WBP11: variants seen among roughly 807,000 people sequenced by gnomAD.
WBP11 encodes WW domain-binding protein 11.
A neutral mutation model predicts 66.7 loss-of-function variants in WBP11; 12 were observed. That is an observed-to-expected ratio of 0.18 (90% CI 0.12 to 0.29). The LOEUF (loss-of-function observed/expected upper bound fraction) is 0.29, where lower values mean the gene tolerates loss of function less well. Among genes scored for constraint, WBP11 ranks in the 10% least tolerant of loss-of-function variants. The pLI is 1.00. For synonymous variants in WBP11, 255 were observed against 273.8 expected (o/e 0.93, Z 0.68); for missense variants, 555 against 818.3 (o/e 0.68, Z 3.93).
intron 4 of WBP11, 32 bp from the exon 5 acceptor site, chr12:14,797,035 A>G (rs1592221223): frequency 3.3e-6 from 5 of 1,528,726 alleles, no homozygotes; most frequent in Non-Finnish European, 3.5e-6. Context: ...GGAATTAAAT[A>G]TAAGAGGCCA....
chr12:14,794,100 C>T (rs1212123520), intron 7 of WBP11, among the ~76,000 whole-genome samples, 178 bp from the exon 8 acceptor site: 1 of 151,324 alleles, frequency 6.6e-6, no homozygotes, highest in Non-Finnish European at 1.5e-5. Context: ...CAAAATTTTC[C>T]TCTGCCAATA....
intron 9 of WBP11, 64 bp from the exon 10 acceptor site, chr12:14,790,813 A>G (rs1298584102): frequency 6.9e-7 from 1 of 1,446,894 alleles, no homozygotes. Flanking sequence ...GGAGAACAGC[A>G]ATGACTGAAT....
At chr12:14,789,995 T>A (rs138942131) in intron 10 of WBP11, among the ~76,000 whole-genome samples, 346 of 152,322 alleles carry the variant, frequency 2.3e-3, no homozygotes, top group African/African-American at 7.9e-3. Flanking sequence ...GAACACTTAA[T>A]AAACAGACTA....
chr12:14,801,055 A>G (rs955320058), intron 2 of WBP11: 4 of 467,380 alleles, frequency 8.6e-6, no homozygotes, highest in African/African-American at 7.9e-5. Flanking sequence ...GGGCTCGCAA[A>G]ACTAATTTGC....
At chr12:14,802,910 G>A (rs1417754858) in intron 1 of WBP11, among the ~76,000 whole-genome samples, 1 of 152,168 alleles carries the variant, frequency 6.6e-6, no homozygotes, top group African/African-American at 2.4e-5. Context: ...GAAGACACTG[G>A]AGCTTAAGTC....
At chr12:14,802,707 G>GA (rs1487218140) in intron 1 of WBP11, among the ~76,000 whole-genome samples, 1 of 151,676 alleles carries the variant, frequency 6.6e-6, no homozygotes, top group African/African-American at 2.4e-5. Context: ...GGGGTTAGGG[G>GA]GGTGGGAGAG....
chr12:14,793,710 G>C (rs749739437), intron 8 of WBP11, 21 bp downstream of exon 8: 1 of 1,609,632 alleles, frequency 6.2e-7, no homozygotes, highest in South Asian at 1.1e-5. Context: ...TCAATACCAT[G>C]AATCCTTCAT....
In WBP11 at chr12:14,787,392, A is replaced by C. The variant is rs1195147800; in HGVS notation, c.1599T>G (p.Val533=). The C allele has an allele frequency of 6.3e-7, 1 of 1,591,604 alleles. No individual in the cohort carries two copies. Among genetic ancestry groups the C allele is most frequent in the South Asian group, 1.1e-5 (1 of 87,374 alleles). ...FPPAPLPNPG[V]LSAPPNLIQR... ...GAATCAAGTTGGGTGGGGCACTTAA[A>C]ACCCCAGGGTTTGGCAAGGGAGCTG... Residue 533 remains valine (V), a synonymous_variant, in exon 12 of 12, where the codon GTT becomes GTG. Transcript: ENST00000261167.
intron 10 of WBP11, among the ~76,000 whole-genome samples, 183 bp from the exon 11 acceptor site, chr12:14,789,316 G>A (rs1289030658): frequency 2.0e-5 from 3 of 152,184 alleles, no homozygotes; most frequent in Non-Finnish European, 4.4e-5. Flanking sequence ...CGGGCATGGT[G>A]GCTCATGCCT....
intron 1 of WBP11, 85 bp from the exon 2 acceptor site, chr12:14,801,513 A>G: frequency 1.2e-6 from 1 of 816,604 alleles, no homozygotes; most frequent in Non-Finnish European, 1.9e-6. Context: ...TCTGAAAAAA[A>G]ATTCCTTTAA....
Position 14,794,726 on chromosome 12 carries a change from G to A in WBP11, c.532C>T (p.Arg178Trp), listed in dbSNP as rs1439928131. The change falls in exon 7 of 12, where the codon CGG becomes TGG. Residue 178 changes from arginine to tryptophan, a missense_variant. Around this residue, in one of 6 missense-constraint regions of WBP11, gnomAD observed 220 missense variants for 268.2 expected, o/e 0.82. Transcript: ENST00000261167. Reference sequence around the variant, plus strand: ...AGAAGAGGAAGGATAGAAACTGCCCGAGTTGGAGGTCTGTTAAAAAAAAAA... The same window carrying A: ...AGAAGAGGAAGGATAGAAACTGCCCAAGTTGGAGGTCTGTTAAAAAAAAAA... ...KKTSAYGPPTRAVSILPLLGH... is the reference protein window; with the variant it reads ...KKTSAYGPPTWAVSILPLLGH... 7.7e-6 allele frequency: 12 copies of A among 1,549,328 alleles called. No homozygotes were observed. The highest frequency in any genetic ancestry group is 1.4e-5 in the African/African-American group (1 of 69,598).
At chr12:14,797,513 G>A (rs61920256) in intron 4 of WBP11, among the ~76,000 whole-genome samples, 8,155 of 152,216 alleles carry the variant, frequency 0.054, 299 homozygotes, top group Non-Finnish European at 0.08. Context: ...CCGTATTCCT[G>A]GCCTAGCTAC....
chr12:14,793,724 C>T lies in WBP11; in HGVS notation c.913+7G>A, dbSNP rs1949851653. 6.2e-7 allele frequency: 1 copy of T among 1,613,168 alleles called. No individual in the cohort carries two copies. The highest frequency in any genetic ancestry group is 1.7e-5 in the Admixed American group (1 of 59,994). On this transcript the variant is annotated splice_region_variant and intron_variant, in intron 8 of 11. Transcript: ENST00000261167. ...ATCAATACCATGAATCCTTCATCTG[C>T]ACATACCTGACTTCTTTTCTTCATT...
chr12:14,787,163 T>G lies in WBP11; in HGVS notation c.1828A>C (p.Lys610Gln). ...SEDDSAVPLA[K>Q]AAPKSGPSVP... ...GAAGGACCAGATTTGGGTGCTGCTT[T>G]GGCAAGAGGCACAGCAGAATCATCC... Residue 610 changes from lysine to glutamine, a missense_variant, in exon 12 of 12, where the codon AAA becomes CAA. Transcript: ENST00000261167. The G allele has an allele frequency of 6.2e-7, 1 of 1,613,820 alleles. No homozygotes were observed. Among genetic ancestry groups the G allele is most frequent in the Non-Finnish European group, 8.5e-7 (1 of 1,180,030 alleles).
At chr12:14,794,070 T>C (rs1949858602) in intron 7 of WBP11, 148 bp from the exon 8 acceptor site, 2 of 628,006 alleles carry the variant, frequency 3.2e-6, no homozygotes, top group African/African-American at 3.8e-5. Flanking sequence ...CTTGTATATA[T>C]AGCTACTCAT....
intron 11 of WBP11, among the ~76,000 whole-genome samples, chr12:14,787,755 A>T (rs1949770549): frequency 1.3e-5 from 2 of 152,202 alleles, no homozygotes. Flanking sequence ...TTTAAAATAT[A>T]AAGGGACATC....
chr12:14,790,592 C>T lies in WBP11; in HGVS notation c.1173G>A (p.Gln391=). 6.2e-7 allele frequency: 1 copy of T among 1,614,008 alleles called. No individual in the cohort carries two copies. Among genetic ancestry groups the T allele is most frequent in the Non-Finnish European group, 8.5e-7 (1 of 1,179,892 alleles). The stretch of plus-strand genomic sequence containing the variant: ...AAGGAGGAACAGACTGCGGCGGAGC[C>T]TGCTGCTGTGAAGAAGCAGTGGATG... ...DGTSTASSQQ[Q]APPQSVPPSQ... is the part of the protein sequence containing the mutation. Residue 391 remains glutamine, a synonymous_variant, in exon 10 of 12, where the codon CAG becomes CAA. Transcript: ENST00000261167.
intron 4 of WBP11, among the ~76,000 whole-genome samples, chr12:14,798,929 A>G (rs1345576981): frequency 6.6e-6 from 1 of 152,204 alleles, no homozygotes; most frequent in Non-Finnish European, 1.5e-5. Context: ...AAAATATTCT[A>G]CATGTTCTAA....
At chr12:14,797,739 C>G (rs1315210253) in intron 4 of WBP11, among the ~76,000 whole-genome samples, 1 of 152,184 alleles carries the variant, frequency 6.6e-6, no homozygotes, top group Non-Finnish European at 1.5e-5. Flanking sequence ...GAGATAAGCT[C>G]TCAGATTTTC....
Sources: gnomAD v4.1 joint callset for allele counts (sites outside exome capture counted in the v4.1 genomes callset) on GRCh38, gnomAD v4.1.1 for gene constraint, gnomAD v4.1.1 regional missense constraint, MANE v1.5 for transcripts, NCBI Gene and HGNC (gene_info 2026-07-23, HGNC 2026-07-21) for gene names.